LSP1: variants seen among roughly 807,000 people sequenced by gnomAD.
LSP1 encodes the protein lymphocyte-specific protein 1.
LSP1 carries 32 observed loss-of-function variants against 49.3 expected under a neutral mutation model. The ratio of observed to expected loss-of-function variants is 0.65; its 90% CI spans 0.49 to 0.87. The LOEUF (loss-of-function observed/expected upper bound fraction) is 0.87, where lower values mean the gene tolerates loss of function less well. Ranked by LOEUF, LSP1 falls within the 40% of genes least tolerant of loss-of-function variation. The pLI is 0.00. For synonymous variants in LSP1, 179 were observed against 178.8 expected (o/e 1.00, Z -0.01); for missense variants, 428 against 442.6 (o/e 0.97, Z 0.30).
At position 1,884,353 on chromosome 11, in the gene LSP1, G is replaced by T. The variant is rs1346313751; in HGVS notation, c.635+30G>T. ...GTCTGTCTGTCTGTCTGCTTTCTGG[G>T]CTCAGATCTTAGGTTTAACCAAGTG... is the stretch of plus-strand genomic sequence containing the variant. On this transcript the variant is annotated intron_variant, in intron 6 of 10. Transcript: ENST00000311604. The surrounding 1 kb of genome is among the most constrained non-coding windows in gnomAD (Gnocchi z 4.1). 5 of 1,613,810 alleles carry T rather than the reference G, an allele frequency of 3.1e-6. No individual in the cohort carries two copies. In the South Asian group the frequency reaches 5.5e-5, roughly 18 times the overall value.
At chr11:1,883,642 G>T (rs1848640841) in intron 4 of LSP1, 82 bp downstream of exon 4, 1 of 1,502,248 alleles carries the variant, frequency 6.7e-7, no homozygotes. Context: ...CACTCTGTGG[G>T]CCCTGTGGGT....
intron 1 of LSP1, chr11:1,866,423 C>T: frequency 1.4e-6 from 2 of 1,436,100 alleles, no homozygotes; most frequent in Non-Finnish European, 9.2e-7. Context: ...GGCAGCCCGG[C>T]TCACCCCTCC....
chr11:1,877,333 C>A (rs1848354244), intron 1 of LSP1, among the ~76,000 whole-genome samples: 1 of 152,178 alleles, frequency 6.6e-6, no homozygotes, highest in Non-Finnish European at 1.5e-5. Flanking sequence ...CAGAGGCCTC[C>A]ACGTCCTCAG....
chr11:1,875,636 G>A (rs1040964142), intron 1 of LSP1, among the ~76,000 whole-genome samples: 2 of 152,244 alleles, frequency 1.3e-5, no homozygotes, highest in Non-Finnish European at 1.5e-5. Flanking sequence ...GCCCACTGGC[G>A]TGGGACTACA....
Position 1,884,397 on chromosome 11 carries a change from A to G in LSP1, c.635+74A>G. Reference sequence around the variant, plus strand: ...CCAAGTGGGGGTTGAAGGGAGTCACAAGGTAGAGATCTGGAGACCGAGGGG... The same window carrying G: ...CCAAGTGGGGGTTGAAGGGAGTCACGAGGTAGAGATCTGGAGACCGAGGGG... On this transcript the variant is annotated intron_variant, in intron 6 of 10. Coordinates refer to ENST00000311604, the MANE Select transcript of LSP1 (RefSeq NM_002339.3). The surrounding 1 kb of genome is among the most constrained non-coding windows in gnomAD (Gnocchi z 4.1). The G allele has an allele frequency of 1.2e-6, 2 of 1,610,342 alleles. No homozygotes were observed. The highest frequency in any genetic ancestry group is 1.1e-5 in the South Asian group (1 of 91,010).
At chr11:1,887,111 A>C in intron 8 of LSP1, 126 bp from the exon 9 acceptor site, 6 of 1,007,110 alleles carry the variant, frequency 6.0e-6, no homozygotes, top group Non-Finnish European at 8.7e-6. Context: ...CACACAGAAA[A>C]AGTTTAGGTA....
At chr11:1,870,673 G>A (rs932740647) in intron 1 of LSP1, 22 of 1,071,956 alleles carry the variant, frequency 2.1e-5, no homozygotes, top group African/African-American at 6.6e-5. Flanking sequence ...TGGGCACCAC[G>A]TCTGAATAAT....
chr11:1,864,909 C>T (rs1230800573), intron 1 of LSP1, among the ~76,000 whole-genome samples: 1 of 151,892 alleles, frequency 6.6e-6, no homozygotes, highest in Non-Finnish European at 1.5e-5. Context: ...CCAGAGGGGC[C>T]AAGACAGGCA....
rs149491406 is a variant in LSP1 at position 1,880,206 on chromosome 11, G to A, written c.173G>A (p.Arg58Gln). The A allele has an allele frequency of 4.4e-6, 7 of 1,598,072 alleles. No homozygotes were observed. Among genetic ancestry groups the A allele is most frequent in the East Asian group, 2.3e-5 (1 of 43,822 alleles). Reference protein sequence around the residue: ...DEEGGGHVPERPKQEMLLSLK... With the variant: ...DEEGGGHVPEQPKQEMLLSLK... ...GAGGGAGGCGGCCATGTCCCCGAGC[G>A]GCCGAAGCAGGAGATGCTGTGAGCA... The change falls in exon 2 of 11, where the codon CGG becomes CAG. Residue 58 changes from arginine to glutamine, a missense_variant. Coordinates refer to ENST00000311604, the MANE Select transcript of LSP1 (RefSeq NM_002339.3).
chr11:1,866,344 G>A, intron 1 of LSP1: 1 of 831,118 alleles, frequency 1.2e-6, no homozygotes, highest in Non-Finnish European at 1.8e-6. Context: ...ACTCAGTGCT[G>A]AGACTCTGAG....
In LSP1 at chr11:1,867,826, G is replaced by A. The variant is rs1218191926; in HGVS notation, c.54-12261G>A. Among the ~76,000 whole-genome samples, 9 of 116,444 alleles carry A rather than the reference G, an allele frequency of 7.7e-5. No homozygotes were observed. The East Asian group carries it at 2.1e-3, about 27-fold the overall frequency. The allele number at this position is 116,444 out of a possible 152,430, so 76.4% of individuals were successfully genotyped here. ...GAAAACGTGTCCCCCCTGCCCCGTC[G>A]CCCCCCACCCCTGCCCCAGCGATTC... On this transcript the variant is annotated intron_variant, in intron 1 of 10. Transcript: ENST00000311604.
At chr11:1,854,881 T>C (rs1847449159) in intron 1 of LSP1, among the ~76,000 whole-genome samples, 5 of 152,142 alleles carry the variant, frequency 3.3e-5, no homozygotes, top group Admixed American at 3.3e-4. Flanking sequence ...CTTGGCCTCA[T>C]CCTTGGCCAC....
At chr11:1,887,914 T>C (rs906189138) in intron 10 of LSP1, among the ~76,000 whole-genome samples, 1 of 152,036 alleles carries the variant, frequency 6.6e-6, no homozygotes, top group Non-Finnish European at 1.5e-5. Flanking sequence ...AGGGCTAGCA[T>C]TGAAGGAAGC....
intron 3 of LSP1, 103 bp downstream of exon 3, chr11:1,881,699 C>T (rs1589827364): frequency 4.5e-6 from 6 of 1,346,782 alleles, no homozygotes; most frequent in Middle Eastern, 2.8e-4. Flanking sequence ...ACCTCGAGGG[C>T]GGGCGCTGGG....
At chr11:1,883,062 C>T (rs1392993649) in intron 3 of LSP1, among the ~76,000 whole-genome samples, 3 of 152,192 alleles carry the variant, frequency 2.0e-5, no homozygotes, top group African/African-American at 7.2e-5. Context: ...CTCGCGGGGA[C>T]CCCGTCAGAC....
chr11:1,888,017 A>T (rs971032061), intron 10 of LSP1, among the ~76,000 whole-genome samples: 3 of 152,088 alleles, frequency 2.0e-5, no homozygotes, highest in Non-Finnish European at 4.4e-5. Flanking sequence ...CCCAGCCGAG[A>T]GCGATTCAGA....
intron 1 of LSP1, chr11:1,868,805 T>C: frequency 3.0e-6 from 3 of 985,732 alleles, no homozygotes; most frequent in Non-Finnish European, 3.6e-6. Context: ...GGACGGCGGT[T>C]CAGGCTTCAG....
intron 1 of LSP1, chr11:1,876,689 C>T (rs1226642335): frequency 1.0e-6 from 1 of 953,056 alleles, no homozygotes. Context: ...CATTGTCAGG[C>T]CCTCAGCGGG....
At chr11:1,857,344 A>G (rs474016) in intron 1 of LSP1, among the ~76,000 whole-genome samples, 54,378 of 152,152 alleles carry the variant, frequency 0.36, 10,094 homozygotes, top group East Asian at 0.53. Flanking sequence ...CTGGCCGGTG[A>G]CACCCTGGGG....
Sources: allele counts gnomAD v4.1 joint callset (sites outside exome capture counted in the v4.1 genomes callset), GRCh38; gene constraint gnomAD v4.1.1; non-coding constraint Gnocchi (gnomAD v3.1); transcripts MANE v1.5; gene names NCBI Gene and HGNC (gene_info 2026-07-23, HGNC 2026-07-21).